The following PDZRN4 variants were observed in gnomAD, a reference collection of about 807,000 sequenced individuals.
The protein encoded by PDZRN4 is PDZ domain containing ring finger 4, also known as PDZ domain-containing RING finger protein 4.
A neutral mutation model predicts 99.0 loss-of-function variants in PDZRN4; 70 were observed. The ratio of observed to expected loss-of-function variants is 0.71; its 90% CI spans 0.58 to 0.86. The LOEUF is 0.86. Among genes scored for constraint, PDZRN4 ranks in the 40% least tolerant of loss-of-function variants. The probability of loss-of-function intolerance (pLI) is 0.00; values close to 1 mark genes in which losing one functional copy is unlikely to be tolerated. For missense variants in PDZRN4, 1,474 were observed against 1,331.2 expected (o/e 1.11, Z -1.67); for synonymous variants, 551 against 501.6 (o/e 1.10, Z -1.32).
At chr12:41,349,544 A>G (rs1951876519) in intron 3 of PDZRN4, among the ~76,000 whole-genome samples, 1 of 151,982 alleles carries the variant, frequency 6.6e-6, no homozygotes, top group African/African-American at 2.4e-5. Context: ...ATTAGGCTTT[A>G]TGTAACTGAA....
intron 3 of PDZRN4, chr12:41,437,701 G>A: frequency 7.1e-7 from 1 of 1,405,030 alleles, no homozygotes. Context: ...GTGTTGCCAT[G>A]AACTGACTGG....
At chr12:41,527,988 A>G (rs1422323659) in intron 5 of PDZRN4, among the ~76,000 whole-genome samples, 3 of 152,182 alleles carry the variant, frequency 2.0e-5, no homozygotes, top group East Asian at 3.8e-4. Context: ...TCATTAGGCT[A>G]TTTTCACAAC....
chr12:41,297,968 G>T (rs1951506911), intron 3 of PDZRN4, among the ~76,000 whole-genome samples: 2 of 152,192 alleles, frequency 1.3e-5, no homozygotes, highest in South Asian at 4.1e-4. Context: ...ACTTAGTGCT[G>T]TATTAACACA....
At chr12:41,350,889 G>A (rs10880054) in intron 3 of PDZRN4, among the ~76,000 whole-genome samples, 72,684 of 151,904 alleles carry the variant, frequency 0.48, 18,199 homozygotes, top group Middle Eastern at 0.65. Flanking sequence ...AGAAACAGCA[G>A]TCAATACCTC....
intron 3 of PDZRN4, among the ~76,000 whole-genome samples, chr12:41,470,373 T>C (rs927204297): frequency 3.9e-5 from 6 of 152,226 alleles, no homozygotes; most frequent in Non-Finnish European, 8.8e-5. Context: ...TTGGGTTTTT[T>C]TGTATGTGTT....
At chr12:41,418,486 C>T (rs984078135) in intron 3 of PDZRN4, among the ~76,000 whole-genome samples, 1 of 152,150 alleles carries the variant, frequency 6.6e-6, no homozygotes, top group Non-Finnish European at 1.5e-5. Context: ...TAGTTTTATT[C>T]CTAGTTTAAA....
At chr12:41,381,658 C>A (rs1359150697) in intron 3 of PDZRN4, among the ~76,000 whole-genome samples, 1 of 152,012 alleles carries the variant, frequency 6.6e-6, no homozygotes, top group Non-Finnish European at 1.5e-5. Flanking sequence ...TGCTTAATTT[C>A]CATGTTTTCT....
chr12:41,217,619 T>C (rs781340300), intron 3 of PDZRN4, among the ~76,000 whole-genome samples: 5 of 152,106 alleles, frequency 3.3e-5, no homozygotes, highest in Non-Finnish European at 7.4e-5. Flanking sequence ...GTAGGTCTGA[T>C]TGTTAAAAAT....
At position 41,573,529 on chromosome 12, in the gene PDZRN4, A is replaced by C; in HGVS notation, c.2750A>C (p.Lys917Thr). ...RDRILKERAL[K>T]IKEERSGMTT... Reference sequence around the variant, plus strand: ...CGAATCCTGAAGGAACGTGCCTTAAAGATCAAGGAAGAGCGGAGTGGCATG... The same window carrying C: ...CGAATCCTGAAGGAACGTGCCTTAACGATCAAGGAAGAGCGGAGTGGCATG... Residue 917 changes from lysine to threonine, a missense_variant, in exon 10 of 10, where the codon AAG (lysine) becomes ACG (threonine). Transcript: ENST00000402685. The C allele has an allele frequency of 6.2e-7, 1 of 1,614,050 alleles. No homozygotes were observed. The highest frequency in any genetic ancestry group is 8.5e-7 in the Non-Finnish European group (1 of 1,179,998).
chr12:41,291,681 T>A (rs1484610759), intron 3 of PDZRN4, among the ~76,000 whole-genome samples: 2 of 152,118 alleles, frequency 1.3e-5, no homozygotes, highest in African/African-American at 4.8e-5. Context: ...TGAGTCTTGG[T>A]TTGTTCTCCT....
chr12:41,343,638 G>T (rs961190031), intron 3 of PDZRN4, among the ~76,000 whole-genome samples: 1 of 151,942 alleles, frequency 6.6e-6, no homozygotes, highest in African/African-American at 2.4e-5. Flanking sequence ...GTTGCAATTA[G>T]ATAGGAGGAA....
At chr12:41,488,070 T>G (rs1937810169) in intron 3 of PDZRN4, among the ~76,000 whole-genome samples, 1 of 152,184 alleles carries the variant, frequency 6.6e-6, no homozygotes, top group South Asian at 2.1e-4. Context: ...AATAGTCAAG[T>G]ACTATTTTCA....
intron 5 of PDZRN4, among the ~76,000 whole-genome samples, chr12:41,547,804 T>C (rs986785978): frequency 6.6e-6 from 1 of 152,132 alleles, no homozygotes; most frequent in African/African-American, 2.4e-5. Context: ...TGTTTCCTTC[T>C]TTGTTAAGGT....
chr12:41,570,400 T>A (rs1939451957), intron 9 of PDZRN4, among the ~76,000 whole-genome samples: 1 of 152,178 alleles, frequency 6.6e-6, no homozygotes. Flanking sequence ...TTTTCACAGT[T>A]GTTCATAGAC....
rs537692427 is a variant in PDZRN4, at chr12:41,430,628, A to T, written c.844-75828A>T. The stretch of plus-strand genomic sequence containing the variant: ...AACTATTTCTGTTATATAAAGAACT[A>T]GGAAACAAAAAGCCTTTTAGAAGTT... On this transcript the variant is annotated intron_variant, in intron 3 of 9. Coordinates refer to ENST00000402685, the MANE Select transcript of PDZRN4 (RefSeq NM_001164595.2). Among the ~76,000 whole-genome samples, 178 of 152,308 alleles carry T rather than the reference A, an allele frequency of 1.2e-3. 4 individuals carry two copies. In the South Asian group the frequency reaches 0.036, roughly 31 times the overall value.
chr12:41,362,948 T>C (rs1458406618), intron 3 of PDZRN4, among the ~76,000 whole-genome samples: 1 of 152,114 alleles, frequency 6.6e-6, no homozygotes, highest in Non-Finnish European at 1.5e-5. Context: ...ATGATGTATA[T>C]GTTCTGTTCT....
intron 3 of PDZRN4, among the ~76,000 whole-genome samples, chr12:41,248,106 T>G (rs1043376462): frequency 3.9e-5 from 6 of 152,224 alleles, no homozygotes; most frequent in Non-Finnish European, 8.8e-5. Context: ...TTTAAACCGA[T>G]GTTGCCCAGA....
At chr12:41,297,024 A>C (rs1298964168) in intron 3 of PDZRN4, among the ~76,000 whole-genome samples, 4 of 152,236 alleles carry the variant, frequency 2.6e-5, no homozygotes, top group African/African-American at 9.6e-5. Context: ...AGTGTAAAAA[A>C]GACTACACTG....
chr12:41,473,347 A>G (rs942353245), intron 3 of PDZRN4: 2 of 152,226 alleles, frequency 1.3e-5, no homozygotes, highest in African/African-American at 2.4e-5. Flanking sequence ...GGAACAAACC[A>G]TAACAAACCA....
Sources: gnomAD v4.1 joint callset for allele counts (sites outside exome capture counted in the v4.1 genomes callset) on GRCh38, gnomAD v4.1.1 for gene constraint, MANE v1.5 for transcripts, NCBI Gene and HGNC (gene_info 2026-07-23, HGNC 2026-07-21) for gene names.